Variants in KIAA1958 observed in about 807,000 individuals in gnomAD.
KIAA1958 encodes the protein uncharacterized protein KIAA1958.
KIAA1958 carries 14 observed loss-of-function variants against 47.2 expected under a neutral mutation model. That is an observed-to-expected ratio of 0.30 (90% CI 0.20 to 0.46). KIAA1958 has a LOEUF of 0.46. KIAA1958 is among the 20% of genes least tolerant of loss of function. KIAA1958 has a pLI of 1.00. For missense variants in KIAA1958, 803 were observed against 909.2 expected, an observed-to-expected ratio of 0.88 and a Z score of 1.50; for synonymous variants, 354 against 353.3, an observed-to-expected ratio of 1.00 and a Z score of -0.02.
intron 1 of KIAA1958, among the ~76,000 whole-genome samples, chr9:112,547,644 A>G (rs1432140024): frequency 5.9e-5 from 9 of 152,180 alleles, no homozygotes; most frequent in African/African-American, 2.2e-4. Context: ...AGGCGCTGAA[A>G]GAAATTGAAG....
chr9:112,652,595 C>T (rs181261677), intron 3 of KIAA1958, among the ~76,000 whole-genome samples: 3 of 152,170 alleles, frequency 2.0e-5, no homozygotes, highest in Non-Finnish European at 2.9e-5. Context: ...TAGGTTAATT[C>T]GTTGGTTTAA....
At chr9:112,492,718 A>T (rs780038815) in intron 1 of KIAA1958, among the ~76,000 whole-genome samples, 1 of 152,154 alleles carries the variant, frequency 6.6e-6, no homozygotes, top group Non-Finnish European at 1.5e-5. Context: ...TTGTTTTTAA[A>T]TGCTTTATTT....
chr9:112,636,527 T>A (rs928430501), intron 2 of KIAA1958, among the ~76,000 whole-genome samples: 1 of 152,136 alleles, frequency 6.6e-6, no homozygotes, highest in Non-Finnish European at 1.5e-5. Flanking sequence ...ATTCTTTTAA[T>A]TTTTGCTTTC....
chr9:112,580,630 T>TA (rs1835720060), intron 2 of KIAA1958, among the ~76,000 whole-genome samples: 1 of 151,730 alleles, frequency 6.6e-6, no homozygotes, highest in South Asian at 2.1e-4. Context: ...CTTCTGAAAA[T>TA]ACAAAAATTA....
chr9:112,502,020 T>C lies in KIAA1958; in HGVS notation c.-25+14902T>C, dbSNP rs115256879. Among the ~76,000 whole-genome samples, 411 of 152,300 alleles carry C rather than the reference T, an allele frequency of 2.7e-3. 2 individuals carry two copies. Among genetic ancestry groups the C allele is most frequent in the African/African-American group, 9.5e-3 (393 of 41,554 alleles). On this transcript the variant is annotated intron_variant, in intron 1 of 3. Transcript: ENST00000337530. ...CATGATAATCACACACAAAATACTA[T>C]GGCAATCCAGAAGCTTTTTTTAAAT...
At chr9:112,493,163 TG>T (rs1833999252) in intron 1 of KIAA1958, among the ~76,000 whole-genome samples, 1 of 15,762 alleles carries the variant, frequency 6.3e-5, no homozygotes, top group Non-Finnish European at 1.1e-4. Flanking sequence ...TTTCTTTTAG[TG>T]CTTTTTTTTT....
At position 112,659,555 on chromosome 9, in the gene KIAA1958, G is replaced by A. The variant is rs1385935190; in HGVS notation, c.1637G>A (p.Cys546Tyr). The change falls in exon 4 of 4, where the codon TGT becomes TAT. Residue 546 changes from cysteine (C) to tyrosine (Y), a missense_variant. By Grantham distance (194) the Cys-to-Tyr change is radical. Around this residue, in one of 2 missense-constraint regions of KIAA1958, gnomAD observed 761 missense variants for 829.3 expected, o/e 0.92. Transcript: ENST00000337530. ...SDEEEMWQAG[C>Y]LGDDSPITLL... ...GAGGAGGAGATGTGGCAGGCAGGGTGTCTGGGGGATGACAGCCCTATCACT... is the reference window on the plus strand; with the variant it reads ...GAGGAGGAGATGTGGCAGGCAGGGTATCTGGGGGATGACAGCCCTATCACT... 2.5e-6 allele frequency: 4 copies of A among 1,613,024 alleles called. No individual in the cohort carries two copies. In the Admixed American group the frequency reaches 5.0e-5, roughly 20 times the overall value.
chr9:112,628,074 TG>T (rs1301242354), intron 2 of KIAA1958, among the ~76,000 whole-genome samples: 1 of 152,068 alleles, frequency 6.6e-6, no homozygotes, highest in Non-Finnish European at 1.5e-5. Context: ...TTAAAATGAG[TG>T]GGGGGAAGCT....
At chr9:112,584,829 C>G (rs118180558) in intron 2 of KIAA1958, among the ~76,000 whole-genome samples, 6 of 152,176 alleles carry the variant, frequency 3.9e-5, no homozygotes, top group African/African-American at 1.4e-4. Flanking sequence ...ACCTGGCCCC[C>G]TCCTTGTGAA....
intron 1 of KIAA1958, among the ~76,000 whole-genome samples, chr9:112,540,431 A>G (rs1427775128): frequency 3.3e-5 from 5 of 152,154 alleles, no homozygotes; most frequent in Non-Finnish European, 2.9e-5. Context: ...AAATGTAACA[A>G]TTGTTGACTC....
chr9:112,648,092 G>C (rs1837006198), intron 3 of KIAA1958, among the ~76,000 whole-genome samples: 1 of 152,220 alleles, frequency 6.6e-6, no homozygotes, highest in Admixed American at 6.5e-5. Flanking sequence ...TGCAGAGCCA[G>C]ATTTACCCTT....
chr9:112,531,972 G>A (rs550147800), intron 1 of KIAA1958, among the ~76,000 whole-genome samples: 1 of 152,348 alleles, frequency 6.6e-6, no homozygotes, highest in Admixed American at 6.5e-5. Context: ...CATGGCTGGG[G>A]TTGCTGTCAG....
intron 1 of KIAA1958, among the ~76,000 whole-genome samples, chr9:112,499,967 C>A (rs1404935978): frequency 6.6e-6 from 1 of 151,946 alleles, no homozygotes; most frequent in Non-Finnish European, 1.5e-5. Context: ...GGATTACAGG[C>A]GTGAGCCACT....
At chr9:112,631,488 G>T (rs372616146) in intron 2 of KIAA1958, among the ~76,000 whole-genome samples, 2 of 134,436 alleles carry the variant, frequency 1.5e-5, no homozygotes, top group Non-Finnish European at 3.0e-5. Context: ...CTGTGATTAC[G>T]CCACTGCACT....
intron 1 of KIAA1958, among the ~76,000 whole-genome samples, chr9:112,565,267 T>G (rs1835406864): frequency 6.6e-6 from 1 of 152,190 alleles, no homozygotes; most frequent in South Asian, 2.1e-4. Context: ...ATTTCAAGGT[T>G]TTTTGTTTTT....
chr9:112,641,504 C>T (rs929050487), intron 2 of KIAA1958, among the ~76,000 whole-genome samples: 8 of 150,298 alleles, frequency 5.3e-5, no homozygotes, highest in African/African-American at 2.0e-4. Flanking sequence ...GATATGTTTA[C>T]GTGTATGTCT....
In KIAA1958 at chr9:112,663,889, T is replaced by C. The variant is rs188803696; in HGVS notation, c.*3820T>C. 1 of 152,252 alleles carries C rather than the reference T, an allele frequency of 6.6e-6. No individual in the cohort carries two copies. The highest frequency in any genetic ancestry group is 2.4e-5 in the African/African-American group (1 of 41,462). 9.4% of individuals were successfully genotyped at this position (152,252 alleles called of 1,614,324 possible). ...AGCATTATATGCCACACTCAGCATT[T>C]TCATAGACATAGTCATTAGGAGAAT... On this transcript the variant is annotated 3_prime_UTR_variant, in exon 4 of 4. Transcript: ENST00000337530.
intron 1 of KIAA1958, among the ~76,000 whole-genome samples, chr9:112,534,514 G>A (rs73545792): frequency 1.0e-3 from 154 of 151,662 alleles, no homozygotes; most frequent in African/African-American, 3.5e-3. Flanking sequence ...TCTTTTGCCA[G>A]TATTTATATT....
intron 2 of KIAA1958, chr9:112,619,334 TA>T (rs1588042637): frequency 1.3e-5 from 2 of 152,282 alleles, no homozygotes; most frequent in Non-Finnish European, 2.9e-5. Flanking sequence ...TAAATGGCTT[TA>T]TTTTTTTAAT....
Sources: gnomAD v4.1 joint callset for allele counts (sites outside exome capture counted in the v4.1 genomes callset) on GRCh38, gnomAD v4.1.1 for gene constraint, gnomAD v4.1.1 regional missense constraint, MANE v1.5 for transcripts, NCBI Gene and HGNC (gene_info 2026-07-23, HGNC 2026-07-21) for gene names.